Variants in FGF14 observed in about 807,000 individuals in gnomAD.
FGF14 encodes fibroblast growth factor homologous factor 4.
A neutral mutation model predicts 25.5 loss-of-function variants in FGF14; 5 were observed. That is an observed-to-expected ratio of 0.20 (90% confidence interval 0.10 to 0.41). FGF14 has a LOEUF of 0.41. Ranked by LOEUF, FGF14 falls within the 10% of genes least tolerant of loss-of-function variation. The pLI, the probability that FGF14 is intolerant of heterozygous loss-of-function variation, is 1.00. For synonymous variants in FGF14, 138 were observed against 118.3 expected, an observed-to-expected ratio of 1.17 and a Z score of -1.08; for missense variants, 222 against 320.1, an observed-to-expected ratio of 0.69 and a Z score of 2.34.
intron 1 of FGF14, among the ~76,000 whole-genome samples, chr13:102,141,170 T>C (rs1033264966): frequency 6.6e-6 from 1 of 152,234 alleles, no homozygotes; most frequent in African/African-American, 2.4e-5. Flanking sequence ...TCTAGTTGGC[T>C]TGGTTTGGAC....
chr13:102,068,433 A>G lies in FGF14; in HGVS notation c.209-193137T>C, dbSNP rs549809762. On this transcript the variant is annotated intron_variant, in intron 1 of 4. Coordinates refer to the FGF14 transcript ENST00000376131. ...TGGGAGCCCCTTTCTGGGCTGGCCA[A>G]GGCCAGAGTCGTCTTCCTCAGCTTG... 3.3e-5 allele frequency among the ~76,000 whole-genome samples: 5 copies of G among 152,348 alleles called. No individual in the cohort carries two copies. In the East Asian group the frequency reaches 9.7e-4, roughly 29 times the overall value.
intron 1 of FGF14, among the ~76,000 whole-genome samples, chr13:102,044,341 C>T (rs575345128): frequency 2.0e-5 from 3 of 150,650 alleles, no homozygotes; most frequent in South Asian, 2.1e-4. Flanking sequence ...CCCTAAACTG[C>T]AAAAGATGAT....
chr13:102,231,632 C>T (rs1241484203), intron 1 of FGF14, among the ~76,000 whole-genome samples: 2 of 152,162 alleles, frequency 1.3e-5, no homozygotes, highest in African/African-American at 2.4e-5. Context: ...TATGTTATGT[C>T]CTCCCTCCTG....
At chr13:101,983,383 T>C (rs1438160984) in intron 1 of FGF14, among the ~76,000 whole-genome samples, 12 of 152,182 alleles carry the variant, frequency 7.9e-5, no homozygotes, top group Admixed American at 7.9e-4. Flanking sequence ...CTTCCAACAC[T>C]GTACAATTGA....
chr13:101,905,409 G>A (rs537730714), intron 1 of FGF14, among the ~76,000 whole-genome samples: 1 of 152,246 alleles, frequency 6.6e-6, no homozygotes, highest in African/African-American at 2.4e-5. Context: ...GCAGGGACAT[G>A]GATGAAGCTG....
intron 1 of FGF14, among the ~76,000 whole-genome samples, chr13:101,972,690 T>C (rs2037677032): frequency 6.6e-6 from 1 of 152,168 alleles, no homozygotes; most frequent in Admixed American, 6.5e-5. Flanking sequence ...TCCCTTTTTG[T>C]GGAGAAAGGG....
intron 1 of FGF14, among the ~76,000 whole-genome samples, chr13:102,305,579 C>T (rs550676875): frequency 1.3e-5 from 2 of 152,258 alleles, no homozygotes; most frequent in African/African-American, 2.4e-5. Context: ...GTAATTACAT[C>T]AGTATTTTAC....
intron 1 of FGF14, among the ~76,000 whole-genome samples, chr13:102,075,867 T>C (rs1282763109): frequency 6.6e-6 from 1 of 152,172 alleles, no homozygotes; most frequent in Non-Finnish European, 1.5e-5. Flanking sequence ...TCCATCTTAG[T>C]TCTTAACAAA....
intron 1 of FGF14, among the ~76,000 whole-genome samples, chr13:101,966,314 G>A (rs1427591465): frequency 6.6e-6 from 1 of 152,106 alleles, no homozygotes; most frequent in Non-Finnish European, 1.5e-5. Context: ...AAATTGGGGT[G>A]ATGATTTACG....
intron 1 of FGF14, among the ~76,000 whole-genome samples, chr13:101,888,097 G>A (rs942961647): frequency 3.9e-5 from 6 of 152,110 alleles, no homozygotes; most frequent in Non-Finnish European, 5.9e-5. Context: ...TGGAGGCTTT[G>A]GGGATAACAG....
At chr13:102,050,818 G>C (rs1329392925) in intron 1 of FGF14, among the ~76,000 whole-genome samples, 1 of 152,148 alleles carries the variant, frequency 6.6e-6, no homozygotes, top group Non-Finnish European at 1.5e-5. Flanking sequence ...GATCACTGGT[G>C]GGATCAGCAT....
chr13:102,316,878 T>C (rs867608453), intron 1 of FGF14, among the ~76,000 whole-genome samples: 1 of 152,196 alleles, frequency 6.6e-6, no homozygotes, highest in Admixed American at 6.5e-5. Flanking sequence ...TCATGATTAC[T>C]GATATTAAAT....
At chr13:102,157,698 A>T (rs1405693859) in intron 1 of FGF14, among the ~76,000 whole-genome samples, 5 of 152,092 alleles carry the variant, frequency 3.3e-5, no homozygotes, top group Non-Finnish European at 7.4e-5. Context: ...CAGCAAAAAA[A>T]TTAAACTAAA....
At chr13:101,987,887 C>A (rs920696106) in intron 1 of FGF14, among the ~76,000 whole-genome samples, 7 of 152,180 alleles carry the variant, frequency 4.6e-5, no homozygotes, top group African/African-American at 1.7e-4. Flanking sequence ...GAGGTGTATA[C>A]TATGTTTATG....
intron 1 of FGF14, among the ~76,000 whole-genome samples, chr13:102,222,997 T>C (rs140694084): frequency 1.3e-5 from 2 of 152,188 alleles, no homozygotes; most frequent in Non-Finnish European, 2.9e-5. Context: ...TCAATAGAAG[T>C]CTTTCATCAT....
At chr13:102,231,010 G>C (rs944411758) in intron 1 of FGF14, among the ~76,000 whole-genome samples, 3 of 152,132 alleles carry the variant, frequency 2.0e-5, no homozygotes, top group African/African-American at 7.2e-5. Context: ...GGAATCTGAC[G>C]TGGGGTATCT....
intron 3 of FGF14, among the ~76,000 whole-genome samples, chr13:101,799,600 T>C (rs1476068704): frequency 6.6e-6 from 1 of 152,088 alleles, no homozygotes; most frequent in Non-Finnish European, 1.5e-5. Context: ...AATTGATAAA[T>C]ATATAGTATG....
chr13:102,003,680 T>A lies in FGF14; in HGVS notation c.209-128384A>T, dbSNP rs564620337. Reference sequence around the variant, plus strand: ...AAGGGGTTAGCTTTTTTTTTTTTTTTAATTTGGGCATTGGGAACAATTTAC... The same window carrying A: ...AAGGGGTTAGCTTTTTTTTTTTTTTAAATTTGGGCATTGGGAACAATTTAC... On this transcript the variant is annotated intron_variant, in intron 1 of 4. Transcript: ENST00000376131. 4.6e-5 allele frequency among the ~76,000 whole-genome samples: 7 copies of A among 151,326 alleles called. No individual in the cohort carries two copies. In the South Asian group the frequency reaches 1.3e-3, roughly 27 times the overall value.
intron 3 of FGF14, among the ~76,000 whole-genome samples, chr13:101,764,692 G>T (rs983463837): frequency 6.6e-6 from 1 of 152,146 alleles, no homozygotes; most frequent in Non-Finnish European, 1.5e-5. Context: ...GGGATTCCTG[G>T]TCTCTACCCA....
Sources: allele counts gnomAD v4.1 joint callset (sites outside exome capture counted in the v4.1 genomes callset), GRCh38; gene constraint gnomAD v4.1.1; transcripts MANE v1.5; gene names NCBI Gene and HGNC (gene_info 2026-07-23, HGNC 2026-07-21).